Variants in SLC24A2 observed in about 807,000 individuals in gnomAD.
SLC24A2 encodes the protein sodium/potassium/calcium exchanger 2.
Under a neutral mutation model 62.0 loss-of-function variants are expected in SLC24A2, and 36 were observed. The ratio of observed to expected loss-of-function variants is 0.58; its 90% confidence interval spans 0.44 to 0.77. SLC24A2 has a LOEUF of 0.77. Ranked by LOEUF, SLC24A2 falls within the 30% of genes least tolerant of loss-of-function variation. The pLI, the probability that SLC24A2 is intolerant of heterozygous loss-of-function variation, is 0.00. For missense variants in SLC24A2, 846 were observed against 817.9 expected, an observed-to-expected ratio of 1.03 and a Z score of -0.42; for synonymous variants, 358 against 294.0, an observed-to-expected ratio of 1.22 and a Z score of -2.23.
the SLC24A2 span, among the ~76,000 whole-genome samples, chr9:20,114,972 A>T: frequency 1.3e-5 from 2 of 152,192 alleles, no homozygotes; most frequent in Admixed American, 1.3e-4. Context: ...CAAAGTATGA[A>T]ACTCAAAGAA....
the SLC24A2 span, among the ~76,000 whole-genome samples, chr9:20,197,990 C>T: frequency 1.1e-4 from 17 of 152,304 alleles, no homozygotes; most frequent in African/African-American, 4.1e-4. Context: ...GAAAAAGATG[C>T]TGAAGATTTC....
the SLC24A2 span, among the ~76,000 whole-genome samples, chr9:19,981,645 G>T: frequency 2.0e-5 from 3 of 152,100 alleles, no homozygotes; most frequent in Non-Finnish European, 2.9e-5. Flanking sequence ...GGCTTTAAGG[G>T]ATGACTCTGT....
At chr9:20,198,621 C>T in the SLC24A2 span, among the ~76,000 whole-genome samples, 1 of 152,032 alleles carries the variant, frequency 6.6e-6, no homozygotes. Context: ...TGGGGAGAGG[C>T]AATTTGTGGA....
chr9:20,045,086 T>C, the SLC24A2 span, among the ~76,000 whole-genome samples: 6 of 152,196 alleles, frequency 3.9e-5, no homozygotes, highest in Non-Finnish European at 5.9e-5. Flanking sequence ...TGTATCAATT[T>C]AGGTGCTTTA....
At chr9:20,163,236 C>A in the SLC24A2 span, among the ~76,000 whole-genome samples, 2 of 152,162 alleles carry the variant, frequency 1.3e-5, no homozygotes, top group Admixed American at 6.6e-5. Context: ...AAAACCCCAT[C>A]GTCTCAGTCC....
At chr9:19,735,386 G>A (rs1821476258) in intron 2 of SLC24A2, among the ~76,000 whole-genome samples, 1 of 151,926 alleles carries the variant, frequency 6.6e-6, no homozygotes, top group African/African-American at 2.4e-5. Context: ...TGGAGAAATA[G>A]GAACACTTTC....
At chr9:19,896,760 T>C in the SLC24A2 span, among the ~76,000 whole-genome samples, 1 of 152,200 alleles carries the variant, frequency 6.6e-6, no homozygotes, top group African/African-American at 2.4e-5. Context: ...GCATTACAGG[T>C]GTTACTTAGC....
At chr9:20,232,881 C>G in the SLC24A2 span, among the ~76,000 whole-genome samples, 2 of 152,126 alleles carry the variant, frequency 1.3e-5, no homozygotes, top group Admixed American at 6.5e-5. Flanking sequence ...AAATTTCCCT[C>G]TACACACTGC....
At chr9:19,634,686 TG>T (rs1818268489) in intron 2 of SLC24A2, among the ~76,000 whole-genome samples, 1 of 152,202 alleles carries the variant, frequency 6.6e-6, no homozygotes, top group South Asian at 2.1e-4. Flanking sequence ...ACCCTCTATG[TG>T]GGACAGAACA....
At chr9:19,659,028 C>T (rs919942096) in intron 2 of SLC24A2, among the ~76,000 whole-genome samples, 2 of 152,148 alleles carry the variant, frequency 1.3e-5, no homozygotes, top group South Asian at 4.2e-4. Context: ...GAAATCCTAA[C>T]CCCCAGTACT....
chr9:20,146,706 T>C, the SLC24A2 span, among the ~76,000 whole-genome samples: 1 of 152,094 alleles, frequency 6.6e-6, no homozygotes, highest in African/African-American at 2.4e-5. Flanking sequence ...GTCATCAATA[T>C]GATCAACACC....
At chr9:20,306,525 C>A in the SLC24A2 span, among the ~76,000 whole-genome samples, 2 of 152,204 alleles carry the variant, frequency 1.3e-5, no homozygotes, top group Non-Finnish European at 2.9e-5. Flanking sequence ...TTGCCTGGGG[C>A]TACTATCCAC....
intron 2 of SLC24A2, among the ~76,000 whole-genome samples, chr9:19,637,357 T>C (rs1743340340): frequency 6.6e-6 from 1 of 152,226 alleles, no homozygotes; most frequent in Non-Finnish European, 1.5e-5. Context: ...GGTGCCCAAC[T>C]GTGTTTGTTC....
At chr9:19,642,327 G>A (rs1233579360) in intron 2 of SLC24A2, among the ~76,000 whole-genome samples, 2 of 152,208 alleles carry the variant, frequency 1.3e-5, no homozygotes, top group African/African-American at 2.4e-5. Context: ...GTATTAGAGG[G>A]AGCAGAGTGA....
chr9:19,636,327 C>CTTTTCTTTTCTT (rs1564009807), intron 2 of SLC24A2, among the ~76,000 whole-genome samples: 1 of 20,738 alleles, frequency 4.8e-5, no homozygotes, highest in Non-Finnish European at 1.0e-4. Flanking sequence ...TTCTTTCTTT[C>CTTTTCTTTTCTT]TTTCTTTCTT....
chr9:19,560,199 G>A (rs954345846), intron 7 of SLC24A2, among the ~76,000 whole-genome samples: 1 of 152,126 alleles, frequency 6.6e-6, no homozygotes, highest in Non-Finnish European at 1.5e-5. Flanking sequence ...AAAACCGTTA[G>A]ACCATATGAT....
the SLC24A2 span, among the ~76,000 whole-genome samples, chr9:20,276,195 C>T: frequency 6.6e-6 from 1 of 152,152 alleles, no homozygotes; most frequent in Non-Finnish European, 1.5e-5. Flanking sequence ...GTCGCTTCTG[C>T]CTATAGCCTG....
chr9:20,253,256 C>G, the SLC24A2 span, among the ~76,000 whole-genome samples: 19 of 152,302 alleles, frequency 1.2e-4, 1 homozygote, highest in East Asian at 3.1e-3. Context: ...TCTAAGCTCC[C>G]ATTTACAAAA....
chr9:20,068,999 A>T, the SLC24A2 span, among the ~76,000 whole-genome samples: 1 of 152,098 alleles, frequency 6.6e-6, no homozygotes, highest in Non-Finnish European at 1.5e-5. Flanking sequence ...AGAGTGCAAG[A>T]AACTCAAAAT....
Sources: allele counts gnomAD v4.1 joint callset (sites outside exome capture counted in the v4.1 genomes callset), GRCh38; gene constraint gnomAD v4.1.1; transcripts MANE v1.5; gene names NCBI Gene and HGNC (gene_info 2026-07-23, HGNC 2026-07-21).